Variants in SMOC1 observed in about 807,000 individuals in gnomAD.
The protein encoded by SMOC1 is SPARC-related modular calcium-binding protein 1.
A neutral mutation model predicts 56.3 loss-of-function variants in SMOC1; 22 were observed. That is an observed-to-expected ratio of 0.39 (90% CI 0.28 to 0.56). The LOEUF is 0.56. Ranked by LOEUF, SMOC1 falls within the 20% of genes least tolerant of loss-of-function variation. SMOC1 has a pLI of 0.61. For synonymous variants in SMOC1, 193 were observed against 215.0 expected, an observed-to-expected ratio of 0.90 and a Z score of 0.89; for missense variants, 509 against 565.4, an observed-to-expected ratio of 0.90 and a Z score of 1.01.
chr14:69,997,606 A>G (rs900148310), intron 7 of SMOC1, among the ~76,000 whole-genome samples: 1 of 152,202 alleles, frequency 6.6e-6, no homozygotes, highest in African/African-American at 2.4e-5. Flanking sequence ...TGCCTGGCAC[A>G]TAGTAGGTAT....
chr14:69,961,045 G>T (rs1018824633), intron 3 of SMOC1, among the ~76,000 whole-genome samples: 1 of 151,722 alleles, frequency 6.6e-6, no homozygotes, highest in South Asian at 2.1e-4. Context: ...AATCTTGTAC[G>T]CATTAGCATT....
intron 5 of SMOC1, 103 bp from the exon 6 acceptor site, chr14:69,992,314 C>A: frequency 2.8e-6 from 3 of 1,081,866 alleles, no homozygotes; most frequent in Non-Finnish European, 1.4e-6. Flanking sequence ...GGGACTTGGC[C>A]GGGCCTTGTA....
At chr14:69,914,577 G>GAAGGAAAC (rs1555358784) in intron 1 of SMOC1, among the ~76,000 whole-genome samples, 1,630 of 151,270 alleles carry the variant, frequency 0.011, 24 homozygotes, top group African/African-American at 0.038. Flanking sequence ...CAGTAGGAAG[G>GAAGGAAAC]AAACAAACAA....
At chr14:69,906,193 G>A (rs1160948569) in intron 1 of SMOC1, among the ~76,000 whole-genome samples, 1 of 152,234 alleles carries the variant, frequency 6.6e-6, no homozygotes, top group Non-Finnish European at 1.5e-5. Context: ...GACAAGGGCT[G>A]TGTTCCTTTC....
chr14:69,927,352 T>G (rs1163376735), intron 1 of SMOC1, among the ~76,000 whole-genome samples: 1 of 152,088 alleles, frequency 6.6e-6, no homozygotes. Context: ...CTTGAGAATG[T>G]GAGGGGATGG....
intron 7 of SMOC1, among the ~76,000 whole-genome samples, chr14:70,009,597 A>G (rs1287268940): frequency 6.6e-6 from 1 of 152,212 alleles, no homozygotes; most frequent in African/African-American, 2.4e-5. Context: ...CATTCCTGTC[A>G]ATTTCTTCAA....
chr14:69,962,448 G>A (rs1163266401), intron 3 of SMOC1, among the ~76,000 whole-genome samples: 1 of 152,216 alleles, frequency 6.6e-6, no homozygotes, highest in Non-Finnish European at 1.5e-5. Flanking sequence ...ACAGGCGTGA[G>A]CCACTGGGCA....
chr14:69,903,451 G>C (rs1377774123), intron 1 of SMOC1, among the ~76,000 whole-genome samples: 1 of 152,252 alleles, frequency 6.6e-6, no homozygotes, highest in Non-Finnish European at 1.5e-5. Flanking sequence ...TGGCGGTTTT[G>C]TCGAATAGAA....
intron 1 of SMOC1, among the ~76,000 whole-genome samples, chr14:69,882,357 G>T (rs934983208): frequency 2.6e-5 from 4 of 152,156 alleles, no homozygotes; most frequent in Non-Finnish European, 5.9e-5. Context: ...TGCCCTTTCA[G>T]TTTAACTTTA....
rs374215435 is a variant in SMOC1 at position 69,952,271 on chromosome 14, C to T, written c.233C>T (p.Thr78Ile). ...CAGCGAGCCAAGTGCCGAGACCCGACCCTGGGCGTGGTGCATCGAGGTAGA... is the reference window on the plus strand; with the variant it reads ...CAGCGAGCCAAGTGCCGAGACCCGATCCTGGGCGTGGTGCATCGAGGTAGA... The part of the protein sequence containing the change: ...EYQRAKCRDP[T>I]LGVVHRGRCK... Residue 78 changes from threonine to isoleucine, a missense_variant, in exon 2 of 12, where the codon ACC becomes ATC. Physicochemically the swap from Thr to Ile is moderately conservative, Grantham distance 89 (BLOSUM62 -1). Coordinates refer to ENST00000361956, the MANE Select transcript of SMOC1 (RefSeq NM_001034852.3). 1.9e-6 allele frequency: 3 copies of T among 1,614,080 alleles called. No homozygotes were observed. The highest frequency in any genetic ancestry group is 2.5e-6 in the Non-Finnish European group (3 of 1,180,044).
At chr14:69,930,526 C>T (rs1042335311) in intron 1 of SMOC1, among the ~76,000 whole-genome samples, 8 of 152,188 alleles carry the variant, frequency 5.3e-5, no homozygotes, top group Non-Finnish European at 1.2e-4. Context: ...AGGAACAACA[C>T]CGAGTCAGTT....
At chr14:69,927,077 T>C (rs182701222) in intron 1 of SMOC1, among the ~76,000 whole-genome samples, 1 of 152,380 alleles carries the variant, frequency 6.6e-6, no homozygotes, top group Non-Finnish European at 1.5e-5. Flanking sequence ...TCCGTTATCA[T>C]GCCATTTTAC....
chr14:70,003,453 GTC>G (rs1566706788), intron 7 of SMOC1, among the ~76,000 whole-genome samples: 1 of 152,150 alleles, frequency 6.6e-6, no homozygotes, highest in Non-Finnish European at 1.5e-5. Context: ...AGCCTCTGTG[GTC>G]TCATCCCTAC....
intron 11 of SMOC1, among the ~76,000 whole-genome samples, chr14:70,024,250 G>T (rs1000302286): frequency 1.3e-5 from 2 of 152,116 alleles, no homozygotes; most frequent in African/African-American, 4.8e-5. Context: ...CAAGTGCAGA[G>T]CATTGTAGCA....
intron 1 of SMOC1, among the ~76,000 whole-genome samples, chr14:69,880,734 C>A (rs1054721388): frequency 7.9e-5 from 12 of 152,322 alleles, no homozygotes; most frequent in African/African-American, 2.9e-4. Flanking sequence ...CCTGAGAGTC[C>A]ATGTGAAAGT....
intron 1 of SMOC1, among the ~76,000 whole-genome samples, chr14:69,892,697 T>C (rs1037308213): frequency 6.6e-6 from 1 of 152,190 alleles, no homozygotes; most frequent in East Asian, 1.9e-4. Flanking sequence ...CATCTCCCTA[T>C]TCCCCTGCTC....
intron 10 of SMOC1, among the ~76,000 whole-genome samples, chr14:70,018,464 G>A (rs55857682): frequency 0.18 from 27,871 of 152,088 alleles, 2,778 homozygotes; most frequent in African/African-American, 0.23. Flanking sequence ...TGGCAGGTGC[G>A]TGGGAGGGTG....
At chr14:69,943,060 G>T (rs1399592612) in intron 1 of SMOC1, among the ~76,000 whole-genome samples, 1 of 152,106 alleles carries the variant, frequency 6.6e-6, no homozygotes, top group Non-Finnish European at 1.5e-5. Flanking sequence ...TGAAGTGACT[G>T]CTAAATTCCT....
intron 7 of SMOC1, among the ~76,000 whole-genome samples, chr14:70,007,265 T>C (rs1454020044): frequency 1.3e-5 from 2 of 152,222 alleles, no homozygotes. Flanking sequence ...TAAAGGCTTG[T>C]AATGAGTTTG....
Sources: gnomAD v4.1 joint callset for allele counts (sites outside exome capture counted in the v4.1 genomes callset) on GRCh38, gnomAD v4.1.1 for gene constraint, MANE v1.5 for transcripts, NCBI Gene and HGNC (gene_info 2026-07-23, HGNC 2026-07-21) for gene names.